ELMO1: variants seen among roughly 807,000 people sequenced by gnomAD.
The protein encoded by ELMO1 is engulfment and cell motility 1.
A neutral mutation model predicts 98.9 loss-of-function variants in ELMO1; 26 were observed. The ratio of observed to expected loss-of-function variants is 0.26; its 90% CI spans 0.19 to 0.36. ELMO1 has a LOEUF of 0.36. ELMO1 is among the 10% of genes least tolerant of loss of function. ELMO1 has a pLI of 1.00. For missense variants in ELMO1, 627 were observed against 935.2 expected, an observed-to-expected ratio of 0.67 and a Z score of 4.30; for synonymous variants, 346 against 346.0, an observed-to-expected ratio of 1.00 and a Z score of 0.00.
intron 13 of ELMO1, among the ~76,000 whole-genome samples, chr7:37,180,417 G>A (rs775945865): frequency 6.6e-5 from 10 of 152,148 alleles, no homozygotes; most frequent in Non-Finnish European, 1.3e-4. Flanking sequence ...AATTGAGAGA[G>A]ATGATGCACA....
intron 13 of ELMO1, among the ~76,000 whole-genome samples, chr7:37,140,211 T>TA (rs745855444): frequency 0.045 from 5,767 of 128,758 alleles, 353 homozygotes; most frequent in African/African-American, 0.15. Context: ...CCACCTCTAC[T>TA]AAAAAAAAAA....
At chr7:37,374,394 A>G (rs79081063) in intron 1 of ELMO1, among the ~76,000 whole-genome samples, 9,286 of 152,290 alleles carry the variant, frequency 0.061, 380 homozygotes, top group Non-Finnish European at 0.088. Flanking sequence ...AAACCTATAT[A>G]TGCTATAACC....
At chr7:37,026,622 A>C (rs972223090) in intron 15 of ELMO1, among the ~76,000 whole-genome samples, 26 of 152,192 alleles carry the variant, frequency 1.7e-4, no homozygotes, top group African/African-American at 5.8e-4. Context: ...ATTCAACCAT[A>C]ATTTATACCT....
intron 5 of ELMO1, among the ~76,000 whole-genome samples, chr7:37,264,518 A>G (rs1796146207): frequency 6.6e-6 from 1 of 152,192 alleles, no homozygotes; most frequent in Non-Finnish European, 1.5e-5. Flanking sequence ...GGGAGGAAAG[A>G]GTCAACATTA....
At chr7:37,375,033 T>C (rs1159701923) in intron 1 of ELMO1, among the ~76,000 whole-genome samples, 2 of 152,084 alleles carry the variant, frequency 1.3e-5, no homozygotes, top group Non-Finnish European at 2.9e-5. Flanking sequence ...CACTCCAGCC[T>C]GGGTGACAGA....
intron 16 of ELMO1, among the ~76,000 whole-genome samples, chr7:36,942,350 A>T (rs1404036464): frequency 6.6e-6 from 1 of 152,246 alleles, no homozygotes; most frequent in Non-Finnish European, 1.5e-5. Context: ...TACTTCTAAG[A>T]TCCCTCAGCT....
intron 14 of ELMO1, among the ~76,000 whole-genome samples, chr7:37,132,547 T>G (rs1786995601): frequency 6.6e-6 from 1 of 152,190 alleles, no homozygotes; most frequent in Non-Finnish European, 1.5e-5. Flanking sequence ...TCATTTATTC[T>G]CCATGCCAGC....
intron 16 of ELMO1, among the ~76,000 whole-genome samples, chr7:36,923,214 AG>A (rs753892521): frequency 3.1e-4 from 47 of 152,342 alleles, no homozygotes; most frequent in Admixed American, 6.5e-4. Flanking sequence ...AAAGGAAAGG[AG>A]GAAAAAGACC....
At chr7:37,092,574 A>G in intron 15 of ELMO1, among the ~76,000 whole-genome samples, 1 of 148,190 alleles carries the variant, frequency 6.7e-6, no homozygotes, top group South Asian at 2.2e-4. Flanking sequence ...GATGGGTTTC[A>G]CCGTGTTAGA....
At chr7:37,152,891 C>T (rs1012511675) in intron 13 of ELMO1, among the ~76,000 whole-genome samples, 7 of 152,244 alleles carry the variant, frequency 4.6e-5, no homozygotes, top group African/African-American at 1.7e-4. Context: ...TGTGTATAAG[C>T]TGGTTGTGTT....
intron 1 of ELMO1, among the ~76,000 whole-genome samples, chr7:37,370,793 G>T (rs1307624227): frequency 6.6e-6 from 1 of 152,112 alleles, no homozygotes; most frequent in Non-Finnish European, 1.5e-5. Context: ...GGAGCAACAG[G>T]AACTTTCATG....
chr7:37,094,398 T>C (rs1784270266), intron 15 of ELMO1, among the ~76,000 whole-genome samples: 1 of 152,188 alleles, frequency 6.6e-6, no homozygotes, highest in African/African-American at 2.4e-5. Flanking sequence ...TCTGCCCTGA[T>C]TCCTGGATTG....
At chr7:37,442,579 C>T (rs1316997153) in intron 1 of ELMO1, among the ~76,000 whole-genome samples, 5 of 152,190 alleles carry the variant, frequency 3.3e-5, no homozygotes, top group Non-Finnish European at 5.9e-5. Flanking sequence ...TGCATTCTAG[C>T]TCATATGCTT....
intron 5 of ELMO1, among the ~76,000 whole-genome samples, chr7:37,260,758 A>C (rs1311553737): frequency 6.6e-6 from 1 of 152,114 alleles, no homozygotes; most frequent in Non-Finnish European, 1.5e-5. Context: ...GAAATTAGAA[A>C]AGAAGGAAAA....
chr7:37,387,153 A>C (rs1202678315), intron 1 of ELMO1, among the ~76,000 whole-genome samples: 1 of 152,258 alleles, frequency 6.6e-6, no homozygotes, highest in Non-Finnish European at 1.5e-5. Context: ...CTTCTAGCAC[A>C]AAGGATATGG....
intron 4 of ELMO1, among the ~76,000 whole-genome samples, chr7:37,304,289 C>T (rs1798489726): frequency 6.6e-6 from 1 of 152,084 alleles, no homozygotes; most frequent in Non-Finnish European, 1.5e-5. Flanking sequence ...TGGCTGAAGC[C>T]CAATGCCAGG....
At chr7:37,276,383 C>T (rs1796833796) in intron 4 of ELMO1, among the ~76,000 whole-genome samples, 1 of 152,100 alleles carries the variant, frequency 6.6e-6, no homozygotes, top group African/African-American at 2.4e-5. Flanking sequence ...CCCAGGCAGG[C>T]AGATCACGAG....
rs562140122 is a variant in ELMO1, at chr7:37,096,908, C to G, written c.1192-181G>C. On this transcript the variant is annotated intron_variant, in intron 14 of 21. Coordinates refer to ENST00000310758, the MANE Select transcript of ELMO1 (RefSeq NM_014800.11). ...GACCGAAAAGTCTCATTTATCCCCC[C>G]CAAATCTTTGACAACCCTCTTCAAC... 3.3e-5 allele frequency among the ~76,000 whole-genome samples: 5 copies of G among 152,314 alleles called. No homozygotes were observed. The South Asian group carries it at 1.0e-3, about 32-fold the overall frequency.
chr7:37,412,282 G>A (rs1804023175), intron 1 of ELMO1, among the ~76,000 whole-genome samples: 1 of 152,208 alleles, frequency 6.6e-6, no homozygotes, highest in Admixed American at 6.5e-5. Context: ...CTATTCTCAG[G>A]AGCCAGGGCG....
Sources: allele counts gnomAD v4.1 joint callset (sites outside exome capture counted in the v4.1 genomes callset), GRCh38; gene constraint gnomAD v4.1.1; transcripts MANE v1.5; gene names NCBI Gene and HGNC (gene_info 2026-07-23, HGNC 2026-07-21).